Variants in FBLN2 observed in about 807,000 individuals in gnomAD.
FBLN2 encodes the protein fibulin-2.
In FBLN2, 81 loss-of-function variants were observed where a neutral mutation model predicts 123.7. The ratio of observed to expected loss-of-function variants is 0.65; its 90% CI spans 0.55 to 0.79. The LOEUF is 0.79. Ranked by LOEUF, FBLN2 falls within the 30% of genes least tolerant of loss-of-function variation. FBLN2 has a pLI of 0.00. For synonymous variants in FBLN2, 699 were observed against 701.4 expected, an observed-to-expected ratio of 1.00 and a Z score of 0.05; for missense variants, 1,603 against 1,681.3, an observed-to-expected ratio of 0.95 and a Z score of 0.81.
chr3:13,552,083 C>T (rs775975824), intron 1 of FBLN2, among the ~76,000 whole-genome samples: 8 of 152,112 alleles, frequency 5.3e-5, no homozygotes, highest in Non-Finnish European at 1.0e-4. Flanking sequence ...AAGTGATCCT[C>T]ACTCACAGCA....
chr3:13,630,751 T>G lies in FBLN2; in HGVS notation c.3021T>G (p.Tyr1007Ter). The G allele has an allele frequency of 6.2e-7, 1 of 1,610,508 alleles. No individual in the cohort carries two copies. The highest frequency in any genetic ancestry group is 1.3e-5 in the African/African-American group (1 of 75,006). Reference protein sequence around the residue: ...QRCSQECANIYGSYQCYCRQG... With the variant: ...QRCSQECANI ...GCAGCCAGGAGTGTGCCAACATCTATGGCTCCTACCAGTGCTACTGCCGCC... is the reference window on the plus strand; with the variant it reads ...GCAGCCAGGAGTGTGCCAACATCTAGGGCTCCTACCAGTGCTACTGCCGCC... The change falls in exon 15 of 18, where the codon TAT becomes TAG. Residue 1007 changes from tyrosine (Y) to a stop codon, truncating the protein, a stop_gained. Transcript: ENST00000404922. LOFTEE classifies it high-confidence loss of function.
intron 1 of FBLN2, among the ~76,000 whole-genome samples, chr3:13,558,127 G>A (rs2125033537): frequency 6.6e-6 from 1 of 152,336 alleles, no homozygotes. Context: ...CAGAGAGACT[G>A]GGCTGCCCGC....
intron 5 of FBLN2, among the ~76,000 whole-genome samples, chr3:13,617,610 TCCATCCATCCAC>T (rs1705670969): frequency 8.9e-6 from 1 of 112,794 alleles, no homozygotes; most frequent in African/African-American, 4.2e-5. Flanking sequence ...CATCCATCCA[TCCATCCATCCAC>T]CCATCCACCC....
chr3:13,553,243 T>C (rs1177444795), intron 1 of FBLN2, among the ~76,000 whole-genome samples: 1 of 152,136 alleles, frequency 6.6e-6, no homozygotes, highest in Non-Finnish European at 1.5e-5. Flanking sequence ...CTCAGGGCGT[T>C]CCGAGCAGAG....
At chr3:13,637,210 GAGA>G (rs1706505723) in intron 17 of FBLN2, among the ~76,000 whole-genome samples, 1 of 152,216 alleles carries the variant, frequency 6.6e-6, no homozygotes, top group Non-Finnish European at 1.5e-5. Flanking sequence ...GGGAAGAAGG[GAGA>G]AGGAGGAGGA....
chr3:13,620,301 G>A (rs1393046612), intron 8 of FBLN2, among the ~76,000 whole-genome samples: 1 of 152,210 alleles, frequency 6.6e-6, no homozygotes, highest in African/African-American at 2.4e-5. Context: ...GCCCTTGAGG[G>A]TTGCCCTGGT....
Position 13,621,894 on chromosome 3 carries a change from A to G in FBLN2, c.2275A>G (p.Asn759Asp), listed in dbSNP as rs1266019563. 1 of 1,613,526 alleles carries G rather than the reference A, an allele frequency of 6.2e-7. No individual in the cohort carries two copies. The highest frequency in any genetic ancestry group is 8.5e-7 in the Non-Finnish European group (1 of 1,179,718). The change falls in exon 9 of 18, where the codon AAT becomes GAT. Residue 759 changes from asparagine (N) to aspartate (D), a missense_variant. Coordinates refer to ENST00000404922, the MANE Select transcript of FBLN2 (RefSeq NM_001004019.2). ...GCTCTGTGCCGATGGCTATATCCTC[A>G]ATGCGCACAGGAAGTGCGTGGGTAA... ...TVLCADGYIL[N>D]AHRKCVDINE... is the part of the protein sequence containing the mutation.
intron 2 of FBLN2, among the ~76,000 whole-genome samples, chr3:13,602,969 G>A (rs1174587233): frequency 6.6e-6 from 1 of 150,398 alleles, no homozygotes; most frequent in African/African-American, 2.5e-5. Flanking sequence ...GGAGTGCAGT[G>A]GTGCGATCTT....
chr3:13,633,610 C>G (rs1706338742), intron 16 of FBLN2, among the ~76,000 whole-genome samples: 2 of 152,250 alleles, frequency 1.3e-5, no homozygotes, highest in South Asian at 4.1e-4. Flanking sequence ...TGGCTTGGGC[C>G]AAACCCTGAG....
chr3:13,571,626 A>C lies in FBLN2; in HGVS notation c.1271A>C (p.Asn424Thr), dbSNP rs1553617199. The change falls in exon 2 of 18, where the codon AAC becomes ACC. Residue 424 changes from asparagine (N) to threonine (T), a missense_variant. Physicochemically the swap from Asn to Thr is moderately conservative, Grantham distance 65 (BLOSUM62 0). Transcript: ENST00000404922. ...HSHVEEDTDPNSVHSIPRSSP... is the reference protein window; with the variant it reads ...HSHVEEDTDPTSVHSIPRSSP... Reference sequence around the variant, plus strand: ...CACGTGGAGGAGGACACAGACCCCAACTCTGTCCATTCTATCCCCAGAAGT... The same window carrying C: ...CACGTGGAGGAGGACACAGACCCCACCTCTGTCCATTCTATCCCCAGAAGT... The C allele has an allele frequency of 1.2e-6, 2 of 1,608,504 alleles. No homozygotes were observed. The highest frequency in any genetic ancestry group is 1.7e-6 in the Non-Finnish European group (2 of 1,177,184).
chr3:13,611,757 G>A (rs1705398770), intron 4 of FBLN2, among the ~76,000 whole-genome samples: 1 of 152,200 alleles, frequency 6.6e-6, no homozygotes, highest in Non-Finnish European at 1.5e-5. Context: ...CAGAAGAAGA[G>A]CTCCCTTTTT....
intron 11 of FBLN2, among the ~76,000 whole-genome samples, chr3:13,628,653 G>A (rs746726863): frequency 3.9e-5 from 6 of 152,282 alleles, no homozygotes; most frequent in Admixed American, 2.6e-4. Flanking sequence ...ACTCAGCCTC[G>A]ATCCCGCCCT....
chr3:13,597,651 C>T (rs1704890111), intron 2 of FBLN2, among the ~76,000 whole-genome samples: 1 of 152,180 alleles, frequency 6.6e-6, no homozygotes, highest in Non-Finnish European at 1.5e-5. Context: ...TTTGTGGGCA[C>T]TTGGAAACCA....
chr3:13,633,147 G>T (rs1227882626), intron 16 of FBLN2, among the ~76,000 whole-genome samples: 1 of 152,250 alleles, frequency 6.6e-6, no homozygotes, highest in Non-Finnish European at 1.5e-5. Flanking sequence ...AGGACACCTG[G>T]ATGCCCACAT....
intron 11 of FBLN2, 103 bp from the exon 12 acceptor site, chr3:13,628,802 T>A (rs1706139198): frequency 7.2e-7 from 1 of 1,381,662 alleles, no homozygotes; most frequent in Non-Finnish European, 9.8e-7. Context: ...CCAGGGCAGG[T>A]CTGGAGCCCA....
At chr3:13,600,854 G>T (rs529213218) in intron 2 of FBLN2, among the ~76,000 whole-genome samples, 8 of 152,192 alleles carry the variant, frequency 5.3e-5, no homozygotes, top group Non-Finnish European at 1.0e-4. Flanking sequence ...GACCTCAGGT[G>T]ATCCGCCCAC....
intron 2 of FBLN2, among the ~76,000 whole-genome samples, chr3:13,578,476 CTT>C (rs1438051760): frequency 5.3e-5 from 8 of 152,182 alleles, no homozygotes; most frequent in Non-Finnish European, 8.8e-5. Context: ...GTGTGTGACT[CTT>C]TCACTTAGCA....
At chr3:13,610,601 G>T (rs1408149000) in intron 4 of FBLN2, among the ~76,000 whole-genome samples, 1 of 152,196 alleles carries the variant, frequency 6.6e-6, no homozygotes, top group African/African-American at 2.4e-5. Context: ...AGCAGTGTCT[G>T]TAAAGCCGTG....
chr3:13,595,340 G>A (rs905084498), intron 2 of FBLN2, among the ~76,000 whole-genome samples: 34 of 152,286 alleles, frequency 2.2e-4, no homozygotes, highest in African/African-American at 7.9e-4. Flanking sequence ...GGCTGAGTTG[G>A]GTGAGCTCAG....
Sources: allele counts gnomAD v4.1 joint callset (sites outside exome capture counted in the v4.1 genomes callset), GRCh38; gene constraint gnomAD v4.1.1; transcripts MANE v1.5; gene names NCBI Gene and HGNC (gene_info 2026-07-23, HGNC 2026-07-21).